The following SBNO1 variants were observed in gnomAD, a reference collection of about 807,000 sequenced individuals.
SBNO1 encodes the protein strawberry notch homolog 1.
In SBNO1, 23 loss-of-function variants were observed where a neutral mutation model predicts 173.6. The ratio of observed to expected loss-of-function variants is 0.13; its 90% CI spans 0.10 to 0.19. SBNO1 has a LOEUF of 0.19. SBNO1 is among the 10% of genes least tolerant of loss of function. The probability of loss-of-function intolerance (pLI) is 1.00; values close to 1 mark genes in which losing one functional copy is unlikely to be tolerated. For missense variants in SBNO1, 1,238 were observed against 1,671.2 expected (o/e 0.74, Z 4.52); for synonymous variants, 632 against 571.5 (o/e 1.11, Z -1.51).
At chr12:123,314,962 C>T (rs1218249689) in intron 23 of SBNO1, among the ~76,000 whole-genome samples, 2 of 150,946 alleles carry the variant, frequency 1.3e-5, no homozygotes, top group Admixed American at 1.3e-4. Context: ...AGGCTGGTCT[C>T]GAACTCCTGA....
chr12:123,298,655 T>C (rs1028785916), intron 30 of SBNO1, among the ~76,000 whole-genome samples: 2 of 152,252 alleles, frequency 1.3e-5, no homozygotes, highest in Non-Finnish European at 2.9e-5. Flanking sequence ...ATTTAAGGTA[T>C]CAGGCTGATT....
intron 1 of SBNO1, chr12:123,364,436 G>A (rs1236667649): frequency 1.0e-6 from 1 of 985,402 alleles, no homozygotes; most frequent in African/African-American, 1.7e-5. Flanking sequence ...GGCTCCCGGA[G>A]CCCGAAAGCC....
intron 19 of SBNO1, 77 bp downstream of exon 19, chr12:123,320,355 G>A (rs1287921596): frequency 7.8e-7 from 1 of 1,290,162 alleles, no homozygotes; most frequent in Non-Finnish European, 1.1e-6. Flanking sequence ...ATTATTATGT[G>A]AAGACAGTCA....
intron 7 of SBNO1, among the ~76,000 whole-genome samples, chr12:123,333,850 T>C (rs914059782): frequency 5.3e-5 from 8 of 152,162 alleles, no homozygotes; most frequent in African/African-American, 1.9e-4. Context: ...CCAAGCAAGT[T>C]ATAACATTTG....
intron 1 of SBNO1, chr12:123,364,251 A>AT: frequency 4.1e-6 from 4 of 985,474 alleles, no homozygotes; most frequent in Non-Finnish European, 4.8e-6. Flanking sequence ...GCCGGGAGCA[A>AT]TGCTGGGGCA....
chr12:123,353,468 G>A (rs923633310), intron 1 of SBNO1, among the ~76,000 whole-genome samples: 5 of 152,086 alleles, frequency 3.3e-5, no homozygotes, highest in Non-Finnish European at 5.9e-5. Flanking sequence ...ACGCCAGATT[G>A]AGATTAAAAT....
At chr12:123,314,557 T>C (rs928931840) in intron 23 of SBNO1, among the ~76,000 whole-genome samples, 9 of 152,196 alleles carry the variant, frequency 5.9e-5, no homozygotes, top group African/African-American at 1.7e-4. Context: ...CTCGATCTCA[T>C]GACCTCGTGA....
chr12:123,357,959 A>G (rs1874654665), intron 1 of SBNO1, among the ~76,000 whole-genome samples: 1 of 152,126 alleles, frequency 6.6e-6, no homozygotes, highest in Admixed American at 6.6e-5. Flanking sequence ...GAATTAAACA[A>G]CTTTCTTGAT....
At chr12:123,333,503 A>G (rs1871477883) in intron 7 of SBNO1, among the ~76,000 whole-genome samples, 1 of 151,962 alleles carries the variant, frequency 6.6e-6, no homozygotes, top group Non-Finnish European at 1.5e-5. Flanking sequence ...ATACATATAT[A>G]TAATTTTTTT....
At chr12:123,298,270 CTTT>C (rs753453531) in intron 30 of SBNO1, 99 bp from the exon 31 acceptor site, 1 of 1,002,866 alleles carries the variant, frequency 1.0e-6, no homozygotes, top group Non-Finnish European at 1.4e-6. Context: ...CTTTTCTTTT[CTTT>C]TTTTTTTGTT....
At position 123,297,999 on chromosome 12, in the gene SBNO1, C is replaced by T; in HGVS notation, c.4018G>A (p.Glu1340Lys). ...TCACCTACAATCCGTTGCCCATCTT[C>T]CGTTCTTAGCCGCACGATCTGCATC... The part of the protein sequence containing the change: ...VKMQIVRLRT[E>K]DGQRIVGLII... The change falls in exon 31 of 32, where the codon GAA (glutamate) becomes AAA (lysine). Residue 1340 changes from glutamate (E) to lysine (K), a missense_variant. Physicochemically the swap from Glu to Lys is moderately conservative, Grantham distance 56 (BLOSUM62 1). This residue lies in a region of SBNO1 where 351 missense variants were observed against 420.3 expected (regional missense o/e 0.84). Transcript: ENST00000602398. 1 of 1,613,934 alleles carries T rather than the reference C, an allele frequency of 6.2e-7. No homozygotes were observed. Among genetic ancestry groups the T allele is most frequent in the Non-Finnish European group, 8.5e-7 (1 of 1,179,952 alleles).
At position 123,289,487 on chromosome 12, in the gene SBNO1, C is replaced by G. The variant is rs1223776806; in HGVS notation, c.*6421G>C. 6.6e-6 allele frequency: 1 copy of G among 152,248 alleles called. No homozygotes were observed. The highest frequency in any genetic ancestry group is 1.5e-5 in the Non-Finnish European group (1 of 68,056). 9.4% of individuals were successfully genotyped at this position (152,248 alleles called of 1,614,324 possible). ...GAACCAAATGAAAACACACCAAGAG[C>G]TGACATCCACCTTTGTTTCAAGTTG... On this transcript the variant is annotated 3_prime_UTR_variant, in exon 32 of 32. Transcript: ENST00000602398.
chr12:123,317,971 A>G (rs569705070), intron 20 of SBNO1, among the ~76,000 whole-genome samples: 5 of 152,296 alleles, frequency 3.3e-5, no homozygotes, highest in African/African-American at 4.8e-5. Flanking sequence ...TTGTATATAT[A>G]TATTTTTTGA....
intron 30 of SBNO1, among the ~76,000 whole-genome samples, chr12:123,298,503 C>A (rs2048677892): frequency 6.6e-6 from 1 of 152,150 alleles, no homozygotes; most frequent in Non-Finnish European, 1.5e-5. Context: ...GGTGATCCAC[C>A]CTTGGCTTCC....
chr12:123,357,459 ACAGT>A (rs1874591834), intron 1 of SBNO1, among the ~76,000 whole-genome samples: 1 of 148,404 alleles, frequency 6.7e-6, no homozygotes, highest in Admixed American at 6.7e-5. Flanking sequence ...AAAACAACAA[ACAGT>A]CAGGCATGGT....
At chr12:123,333,952 A>G in intron 7 of SBNO1, 101 bp downstream of exon 7, 1 of 694,956 alleles carries the variant, frequency 1.4e-6, no homozygotes, top group East Asian at 3.3e-5. Flanking sequence ...TATTACATTT[A>G]CAAGGTTTTC....
At chr12:123,307,084 G>A (rs1452368983) in intron 28 of SBNO1, among the ~76,000 whole-genome samples, 1 of 140,526 alleles carries the variant, frequency 7.1e-6, no homozygotes, top group Non-Finnish European at 1.5e-5. Context: ...AGCTACTTAA[G>A]AGGCTGAGGT....
At chr12:123,360,806 T>TACA (rs1566059559) in intron 1 of SBNO1, among the ~76,000 whole-genome samples, 1 of 152,042 alleles carries the variant, frequency 6.6e-6, no homozygotes, top group African/African-American at 2.4e-5. Context: ...CAACAGTACT[T>TACA]TCAGTAAGGC....
intron 1 of SBNO1, among the ~76,000 whole-genome samples, chr12:123,352,609 C>T (rs1874010859): frequency 6.6e-6 from 1 of 152,174 alleles, no homozygotes; most frequent in Admixed American, 6.5e-5. Flanking sequence ...TGACTTCTAG[C>T]ATGTAAGAAC....
Sources: allele counts gnomAD v4.1 joint callset (sites outside exome capture counted in the v4.1 genomes callset), GRCh38; gene constraint gnomAD v4.1.1; regional missense constraint gnomAD v4.1.1; transcripts MANE v1.5; gene names NCBI Gene and HGNC (gene_info 2026-07-23, HGNC 2026-07-21).